Variants in KDM2A observed in about 807,000 individuals in gnomAD.
KDM2A encodes the protein lysine demethylase 2A, also known as lysine-specific demethylase 2A.
KDM2A carries 3 observed loss-of-function variants against 137.3 expected under a neutral mutation model. The ratio of observed to expected loss-of-function variants is 0.02; its 90% CI spans 0.01 to 0.06. The LOEUF (loss-of-function observed/expected upper bound fraction) is 0.06. KDM2A is among the 10% of genes least tolerant of loss of function. KDM2A has a pLI of 1.00. For missense variants in KDM2A, 738 were observed against 1,510.6 expected (o/e 0.49, Z 8.48); for synonymous variants, 512 against 541.5 (o/e 0.95, Z 0.76).
At chr11:67,224,949 C>G (rs889272780) in intron 10 of KDM2A, among the ~76,000 whole-genome samples, 2 of 139,548 alleles carry the variant, frequency 1.4e-5, no homozygotes, top group African/African-American at 2.7e-5. Context: ...TCAAACAATT[C>G]TCCTGCCCAG....
intron 5 of KDM2A, among the ~76,000 whole-genome samples, chr11:67,189,988 T>G (rs1484160453): frequency 6.6e-6 from 1 of 152,010 alleles, no homozygotes; most frequent in South Asian, 2.1e-4. Context: ...AAATAAAGAA[T>G]AGAAAAACAA....
chr11:67,180,947 C>T (rs1156560104), intron 3 of KDM2A, among the ~76,000 whole-genome samples: 1 of 151,062 alleles, frequency 6.6e-6, no homozygotes, highest in African/African-American at 2.4e-5. Flanking sequence ...CAGGTATGAG[C>T]CACCACACCT....
At chr11:67,207,982 G>A (rs943270414) in intron 6 of KDM2A, among the ~76,000 whole-genome samples, 4 of 152,102 alleles carry the variant, frequency 2.6e-5, no homozygotes. Context: ...AGTGACCGGT[G>A]ATTGCACCAC....
At chr11:67,157,615 C>T (rs954285687) in intron 2 of KDM2A, among the ~76,000 whole-genome samples, 1 of 151,366 alleles carries the variant, frequency 6.6e-6, no homozygotes, top group African/African-American at 2.4e-5. Context: ...CACAGTGGCA[C>T]GCGCCTGAAA....
chr11:67,142,579 G>GTTGGGA (rs1856134023), intron 2 of KDM2A, among the ~76,000 whole-genome samples: 1 of 102,336 alleles, frequency 9.8e-6, no homozygotes, highest in Non-Finnish European at 2.0e-5. Flanking sequence ...TGGGGTTGGG[G>GTTGGGA]TTGGGGTTGG....
chr11:67,129,798 C>T (rs563041832), intron 2 of KDM2A, among the ~76,000 whole-genome samples: 8 of 150,966 alleles, frequency 5.3e-5, no homozygotes, highest in Non-Finnish European at 8.9e-5. Context: ...GTAATCCCAG[C>T]TACCCAGGAG....
intron 6 of KDM2A, among the ~76,000 whole-genome samples, chr11:67,211,352 G>A (rs1443248313): frequency 6.6e-6 from 1 of 151,778 alleles, no homozygotes; most frequent in Non-Finnish European, 1.5e-5. Flanking sequence ...GGTAGCTCAC[G>A]CCTACAATCC....
intron 2 of KDM2A, among the ~76,000 whole-genome samples, chr11:67,126,103 G>A (rs1158619356): frequency 1.3e-5 from 2 of 150,636 alleles, no homozygotes; most frequent in South Asian, 2.1e-4. Flanking sequence ...AAAATTAGCC[G>A]AACGTGGTGA....
intron 2 of KDM2A, among the ~76,000 whole-genome samples, chr11:67,143,629 T>C (rs1239281729): frequency 6.6e-6 from 1 of 151,840 alleles, no homozygotes; most frequent in Non-Finnish European, 1.5e-5. Flanking sequence ...TTTTATTTAT[T>C]TATTTATTTA....
intron 10 of KDM2A, among the ~76,000 whole-genome samples, chr11:67,220,105 G>A (rs1858298319): frequency 1.3e-5 from 2 of 150,816 alleles, no homozygotes; most frequent in Admixed American, 1.3e-4. Flanking sequence ...CAACCTCCCT[G>A]GGCTCAGTTG....
At chr11:67,171,329 A>G (rs903902397) in intron 2 of KDM2A, among the ~76,000 whole-genome samples, 7 of 152,350 alleles carry the variant, frequency 4.6e-5, no homozygotes, top group East Asian at 3.9e-4. Flanking sequence ...TGAATGCAAC[A>G]TAAACAGACC....
intron 6 of KDM2A, among the ~76,000 whole-genome samples, chr11:67,211,384 C>T (rs1355775564): frequency 2.0e-5 from 3 of 151,988 alleles, no homozygotes; most frequent in Non-Finnish European, 4.4e-5. Context: ...GAGGCCAAGG[C>T]AGGCAGATCA....
intron 16 of KDM2A, among the ~76,000 whole-genome samples, chr11:67,249,455 G>A (rs951040312): frequency 2.0e-5 from 3 of 152,182 alleles, no homozygotes; most frequent in African/African-American, 7.2e-5. Flanking sequence ...CTACTGATAC[G>A]GTTCCTAGTG....
chr11:67,249,668 G>T (rs1025732422), intron 16 of KDM2A, among the ~76,000 whole-genome samples: 1 of 152,190 alleles, frequency 6.6e-6, no homozygotes, highest in Non-Finnish European at 1.5e-5. Flanking sequence ...GGGGGTTGGA[G>T]TGGAAGACGC....
At chr11:67,136,771 C>T (rs1431768256) in intron 2 of KDM2A, among the ~76,000 whole-genome samples, 3 of 152,146 alleles carry the variant, frequency 2.0e-5, no homozygotes, top group Non-Finnish European at 4.4e-5. Flanking sequence ...TAATACTAAG[C>T]ATTTAACCAT....
intron 12 of KDM2A, 109 bp from the exon 13 acceptor site, chr11:67,242,900 C>A: frequency 1.4e-6 from 1 of 740,606 alleles, no homozygotes; most frequent in Non-Finnish European, 2.4e-6. Context: ...TGCCACCCTG[C>A]CTCCCTTGCT....
intron 2 of KDM2A, among the ~76,000 whole-genome samples, chr11:67,172,534 A>G (rs941918913): frequency 2.6e-5 from 4 of 151,896 alleles, no homozygotes; most frequent in Non-Finnish European, 5.9e-5. Flanking sequence ...ATGCTATTAT[A>G]AATGGATTTT....
intron 10 of KDM2A, among the ~76,000 whole-genome samples, chr11:67,223,441 C>CA (rs1858435306): frequency 6.6e-6 from 1 of 151,872 alleles, no homozygotes; most frequent in Non-Finnish European, 1.5e-5. Context: ...CTCACTCTGT[C>CA]ACCCAGGCTG....
chr11:67,231,670 G>C lies in KDM2A; in HGVS notation c.1189G>C (p.Ala397Pro), dbSNP rs773239947. ...SRRSVLTSPV[A>P]NGVNLDYDGL... Reference sequence around the variant, plus strand: ...GCGTTCTGTCCTCACTAGCCCTGTAGCGAATGGAGTCAACCTGGATTATGA... The same window carrying C: ...GCGTTCTGTCCTCACTAGCCCTGTACCGAATGGAGTCAACCTGGATTATGA... Residue 397 changes from alanine (A) to proline (P), a missense_variant, in exon 12 of 21, where the codon GCG (alanine) becomes CCG (proline). By Grantham distance (27) the Ala-to-Pro change is conservative. Transcript: ENST00000529006. 6 of 1,613,890 alleles carry C rather than the reference G, an allele frequency of 3.7e-6. No individual in the cohort carries two copies. The highest frequency in any genetic ancestry group is 2.7e-5 in the African/African-American group (2 of 75,060).
Sources: gnomAD v4.1 joint callset for allele counts (sites outside exome capture counted in the v4.1 genomes callset) on GRCh38, gnomAD v4.1.1 for gene constraint, MANE v1.5 for transcripts, NCBI Gene and HGNC (gene_info 2026-07-23, HGNC 2026-07-21) for gene names.